Variants in TAFA2 observed in about 807,000 individuals in gnomAD.
The protein encoded by TAFA2 is chemokine-like protein TAFA-2.
Under a neutral mutation model 18.8 loss-of-function variants are expected in TAFA2, and 7 were observed. The observed-to-expected ratio is 0.37, with a 90% CI of 0.21 to 0.70. TAFA2 has a LOEUF of 0.70. Ranked by LOEUF, TAFA2 falls within the 30% of genes least tolerant of loss-of-function variation. TAFA2 has a pLI of 0.53. For missense variants in TAFA2, 122 were observed against 158.1 expected (o/e 0.77, Z 1.23); for synonymous variants, 60 against 54.2 (o/e 1.11, Z -0.47).
intron 1 of TAFA2, among the ~76,000 whole-genome samples, chr12:61,920,633 T>C (rs1877011210): frequency 6.6e-6 from 1 of 152,194 alleles, no homozygotes; most frequent in South Asian, 2.1e-4. Context: ...TCTTCACTGT[T>C]TCTTGCACAC....
chr12:62,087,831 G>T (rs139009383), intron 1 of TAFA2, among the ~76,000 whole-genome samples: 49 of 152,084 alleles, frequency 3.2e-4, no homozygotes, highest in Non-Finnish European at 5.9e-4. Flanking sequence ...CTAACAGTAG[G>T]GACGGTGGTG....
chr12:61,956,063 G>C (rs1416905244), intron 1 of TAFA2, among the ~76,000 whole-genome samples: 1 of 152,058 alleles, frequency 6.6e-6, no homozygotes, highest in African/African-American at 2.4e-5. Flanking sequence ...CTAGATTCTA[G>C]TTTCCCACAA....
At chr12:61,818,164 C>T (rs1035319795) in intron 2 of TAFA2, among the ~76,000 whole-genome samples, 43 of 152,176 alleles carry the variant, frequency 2.8e-4, no homozygotes, top group African/African-American at 1.0e-3. Context: ...TTCTCTTTAC[C>T]CTCCTTACTC....
chr12:62,032,487 G>C (rs1282938539), intron 1 of TAFA2, among the ~76,000 whole-genome samples: 3 of 152,068 alleles, frequency 2.0e-5, no homozygotes, highest in African/African-American at 7.2e-5. Flanking sequence ...ACTAATAATT[G>C]TAACTATAAT....
intron 1 of TAFA2, among the ~76,000 whole-genome samples, chr12:62,024,211 C>T (rs1379894122): frequency 6.6e-6 from 1 of 152,130 alleles, no homozygotes; most frequent in Non-Finnish European, 1.5e-5. Flanking sequence ...CTTTCATTTT[C>T]TGTGTATTCT....
At chr12:62,170,354 T>A (rs2062469273) in intron 1 of TAFA2, among the ~76,000 whole-genome samples, 1 of 152,198 alleles carries the variant, frequency 6.6e-6, no homozygotes, top group South Asian at 2.1e-4. Flanking sequence ...AGGAAAGAAA[T>A]CTTCTACTGA....
chr12:61,851,345 T>C (rs1484494557), intron 2 of TAFA2, among the ~76,000 whole-genome samples: 4 of 152,134 alleles, frequency 2.6e-5, no homozygotes, highest in Non-Finnish European at 5.9e-5. Flanking sequence ...GAGGGGAATG[T>C]GGCATAAAGG....
intron 1 of TAFA2, among the ~76,000 whole-genome samples, chr12:62,095,192 G>A (rs528668904): frequency 1.1e-4 from 17 of 152,146 alleles, no homozygotes; most frequent in Admixed American, 5.2e-4. Context: ...AGCATCATAA[G>A]AATGCTATGA....
At chr12:62,165,292 T>C (rs1319439964) in intron 1 of TAFA2, among the ~76,000 whole-genome samples, 2 of 152,090 alleles carry the variant, frequency 1.3e-5, no homozygotes, top group Non-Finnish European at 2.9e-5. Context: ...CTTCTACCTC[T>C]CTGTCTACTT....
intron 2 of TAFA2, chr12:61,776,177 C>A: frequency 6.3e-6 from 2 of 315,828 alleles, no homozygotes; most frequent in South Asian, 3.3e-5. Flanking sequence ...TGATTCTTGC[C>A]AAAAGAATTA....
intron 2 of TAFA2, among the ~76,000 whole-genome samples, chr12:61,783,498 T>A (rs1268671746): frequency 1.3e-5 from 2 of 151,640 alleles, no homozygotes; most frequent in Admixed American, 1.3e-4. Flanking sequence ...TTTCTTGAAT[T>A]TGGCACAGAG....
At chr12:62,206,107 C>T (rs1231447059) in intron 1 of TAFA2, among the ~76,000 whole-genome samples, 2 of 152,144 alleles carry the variant, frequency 1.3e-5, no homozygotes, top group African/African-American at 2.4e-5. Context: ...GCAGGAGTCA[C>T]TCACTGTTTT....
chr12:62,158,411 AC>A (rs1406086186), intron 1 of TAFA2, among the ~76,000 whole-genome samples: 1 of 152,188 alleles, frequency 6.6e-6, no homozygotes, highest in African/African-American at 2.4e-5. Context: ...GAGTCTAAAT[AC>A]CTAAAGAAAA....
At chr12:61,817,662 A>G (rs1872140411) in intron 2 of TAFA2, among the ~76,000 whole-genome samples, 1 of 152,172 alleles carries the variant, frequency 6.6e-6, no homozygotes, top group Non-Finnish European at 1.5e-5. Context: ...CAGATGCCAT[A>G]TCTCTTCCCA....
At chr12:62,099,302 C>T (rs74368071) in intron 1 of TAFA2, among the ~76,000 whole-genome samples, 8,245 of 152,122 alleles carry the variant, frequency 0.054, 335 homozygotes, top group Non-Finnish European at 0.083. Flanking sequence ...AACTATTATC[C>T]GTACTATATT....
chr12:61,788,187 C>T (rs987464810), intron 2 of TAFA2, among the ~76,000 whole-genome samples: 1 of 151,476 alleles, frequency 6.6e-6, no homozygotes, highest in Non-Finnish European at 1.5e-5. Flanking sequence ...CAGTGCTGGA[C>T]CACCCAAATA....
intron 1 of TAFA2, among the ~76,000 whole-genome samples, chr12:61,975,514 C>CGTGTGTGTGTGTGTGTGTGTGTGTGT (rs3031098): frequency 0.013 from 1,739 of 136,588 alleles, 44 homozygotes; most frequent in East Asian, 0.037. Flanking sequence ...CAATAATATT[C>CGTGTGTGTGTGTGTGTGTGTGTGTGT]GTGTGTGTGT....
At chr12:61,804,531 A>G (rs545679557) in intron 2 of TAFA2, among the ~76,000 whole-genome samples, 1 of 151,998 alleles carries the variant, frequency 6.6e-6, no homozygotes, top group Non-Finnish European at 1.5e-5. Flanking sequence ...GGATTAGGTA[A>G]AGTTCAAAGC....
At chr12:62,015,765 C>T (rs1880917094) in intron 1 of TAFA2, among the ~76,000 whole-genome samples, 1 of 152,142 alleles carries the variant, frequency 6.6e-6, no homozygotes, top group African/African-American at 2.4e-5. Flanking sequence ...ATAACAACTA[C>T]AGCAAGGAAA....
Sources: gnomAD v4.1 joint callset for allele counts (sites outside exome capture counted in the v4.1 genomes callset) on GRCh38, gnomAD v4.1.1 for gene constraint, MANE v1.5 for transcripts, NCBI Gene and HGNC (gene_info 2026-07-23, HGNC 2026-07-21) for gene names.